Variants in STOX2 observed in about 807,000 individuals in gnomAD.
STOX2 encodes the protein storkhead-box protein 2.
A neutral mutation model predicts 60.9 loss-of-function variants in STOX2; 28 were observed. The observed-to-expected ratio is 0.46, with a 90% CI of 0.34 to 0.63. The LOEUF (loss-of-function observed/expected upper bound fraction) is 0.63. Ranked by LOEUF, STOX2 falls within the 30% of genes least tolerant of loss-of-function variation. STOX2 has a pLI of 0.01. For missense variants in STOX2, 1,024 were observed against 1,187.7 expected, an observed-to-expected ratio of 0.86 and a Z score of 2.03; for synonymous variants, 472 against 463.9, an observed-to-expected ratio of 1.02 and a Z score of -0.22.
At chr4:183,932,333 T>C (rs1334692025) in intron 1 of STOX2, among the ~76,000 whole-genome samples, 1 of 23,284 alleles carries the variant, frequency 4.3e-5, no homozygotes, top group Admixed American at 4.1e-4. Context: ...TATGTATACA[T>C]ACAGTATATG....
At chr4:183,913,544 G>A (rs1013329526) in intron 1 of STOX2, among the ~76,000 whole-genome samples, 3 of 152,108 alleles carry the variant, frequency 2.0e-5, no homozygotes, top group Non-Finnish European at 4.4e-5. Context: ...AGGGCGAGGC[G>A]GGCAGATTAC....
upstream of STOX2, among the ~76,000 whole-genome samples, chr4:183,901,200 T>C (rs1741451474): frequency 6.6e-6 from 1 of 152,220 alleles, no homozygotes. Context: ...CACTTAGCAT[T>C]CTGTTTTCAA....
rs267600106 is a variant in STOX2, at chr4:184,010,226, C to T, written c.1388C>T (p.Ser463Phe). The part of the protein sequence containing the change: ...MPFPEPSRGS[S>F]HSKVHRSHSH... ...TTTCCTGAACCTTCTAGGGGAAGCT[C>T]CCACTCAAAAGTGCACCGAAGCCAC... The change falls in exon 3 of 4, where the codon TCC (serine) becomes TTC (phenylalanine). Residue 463 changes from serine (S) to phenylalanine (F), a missense_variant. Transcript: ENST00000308497. The surrounding 1 kb of genome is among the most constrained non-coding windows in gnomAD (Gnocchi z 4.5). The T allele has an allele frequency of 3.9e-6, 6 of 1,556,612 alleles. No individual in the cohort carries two copies. The African/African-American group carries it at 6.8e-5, about 18-fold the overall frequency.
At chr4:183,886,191 C>T (rs35105997) in intron 1 of STOX2, among the ~76,000 whole-genome samples, 1 of 136,804 alleles carries the variant, frequency 7.3e-6, no homozygotes, top group African/African-American at 2.7e-5. Context: ...CCGATGGTTG[C>T]TGGATGGTGT....
At chr4:183,955,248 A>T (rs1169664347) in intron 1 of STOX2, among the ~76,000 whole-genome samples, 2 of 152,230 alleles carry the variant, frequency 1.3e-5, no homozygotes, top group Non-Finnish European at 2.9e-5. Context: ...TATTGGTATT[A>T]ATGATGACTA....
chr4:183,863,452 T>A (rs566028770), intron 1 of STOX2, among the ~76,000 whole-genome samples: 1 of 152,308 alleles, frequency 6.6e-6, no homozygotes, highest in South Asian at 2.1e-4. Flanking sequence ...TGTGAAAGGA[T>A]TAGAAACAAC....
chr4:183,988,495 C>T (rs1732947030), intron 1 of STOX2: 1 of 152,082 alleles, frequency 6.6e-6, no homozygotes. Flanking sequence ...TGCCTTTTGC[C>T]AGCTTTTGAA....
chr4:183,967,326 AT>A (rs1743604657), intron 1 of STOX2, among the ~76,000 whole-genome samples: 1 of 151,326 alleles, frequency 6.6e-6, no homozygotes, highest in South Asian at 2.1e-4. Flanking sequence ...AGATTGTGCC[AT>A]TGCACTCCAG....
intron 1 of STOX2, among the ~76,000 whole-genome samples, chr4:183,911,163 CTT>C (rs10543205): frequency 0.97 from 147,816 of 152,238 alleles, 71,917 homozygotes; most frequent in Middle Eastern, 1. Flanking sequence ...TTAGACAAAA[CTT>C]CTCTGCCCTC....
In STOX2 at chr4:184,010,607, C is replaced by G. The variant is rs772314602; in HGVS notation, c.1769C>G (p.Ser590Cys). The change falls in exon 3 of 4, where the codon TCT becomes TGT. Residue 590 changes from serine (S) to cysteine (C), a missense_variant. By Grantham distance (112) the Ser-to-Cys change is moderately radical. Transcript: ENST00000308497. This position sits in a 1 kb window ranked among gnomAD's most constrained non-coding sequence, Gnocchi z 4.5. ...TTGCCATCCTATGGCGAACTCAACT[C>G]TTGTCCAACAAAAACAGCCACAGAT... ...ESLPSYGELN[S>C]CPTKTATDDY... The G allele has an allele frequency of 3.7e-6, 6 of 1,614,070 alleles. No homozygotes were observed. Among genetic ancestry groups the G allele is most frequent in the Middle Eastern group, 1.6e-4 (1 of 6,062 alleles).
chr4:183,823,005 G>A (rs917337052), intron 1 of STOX2, among the ~76,000 whole-genome samples: 3 of 152,202 alleles, frequency 2.0e-5, no homozygotes, highest in African/African-American at 7.2e-5. Flanking sequence ...TGCACCTCCT[G>A]AGAACCTTCG....
rs374682641 is a variant in STOX2 at position 184,009,357 on chromosome 4, G to T, written c.519G>T (p.Pro173=). The T allele has an allele frequency of 3.7e-6, 6 of 1,613,934 alleles. No homozygotes were observed. Among genetic ancestry groups the T allele is most frequent in the Non-Finnish European group, 3.4e-6 (4 of 1,179,874 alleles). The change falls in exon 3 of 4, where the codon CCG becomes CCT. Residue 173 remains proline, a synonymous_variant. Transcript: ENST00000308497. This position sits in a 1 kb window ranked among gnomAD's most constrained non-coding sequence, Gnocchi z 4.0. The part of the protein sequence containing the change: ...RIPDRSQCTS[P]QPGTITPSAS... ...CTGACCGGTCTCAGTGCACCTCTCC[G>T]CAACCCGGGACCATCACGCCCTCTG...
intron 1 of STOX2, among the ~76,000 whole-genome samples, chr4:183,831,989 CTTTTTTTTTTTT>C (rs11310177): frequency 7.4e-6 from 1 of 135,834 alleles, no homozygotes; most frequent in South Asian, 2.3e-4. Context: ...TCTTCTTCTT[CTTTTTTTTTTTT>C]TTTTTGAGAC....
At chr4:183,827,876 CAAAAAAAAAAA>C (rs59675177) in intron 1 of STOX2, among the ~76,000 whole-genome samples, 1 of 99,232 alleles carries the variant, frequency 1.0e-5, no homozygotes, top group South Asian at 3.3e-4. Flanking sequence ...AATCCTGCCT[CAAAAAAAAAAA>C]AAAAAAGAAA....
chr4:183,843,129 C>T (rs539710103), intron 1 of STOX2, among the ~76,000 whole-genome samples: 1 of 124,766 alleles, frequency 8.0e-6, no homozygotes, highest in Admixed American at 9.9e-5. Flanking sequence ...CCCTGAGAGA[C>T]AGAGCGAGAC....
chr4:183,941,492 C>T (rs750294358), intron 1 of STOX2, among the ~76,000 whole-genome samples: 2 of 152,126 alleles, frequency 1.3e-5, no homozygotes, highest in East Asian at 1.9e-4. Context: ...CACTTGAACA[C>T]GGGAGGCAGA....
At chr4:183,992,703 C>T (rs376994744) in intron 1 of STOX2, among the ~76,000 whole-genome samples, 1 of 152,160 alleles carries the variant, frequency 6.6e-6, no homozygotes, top group African/African-American at 2.4e-5. Flanking sequence ...TGGTAAGTGG[C>T]TTTACCTTCA....
intron 1 of STOX2, among the ~76,000 whole-genome samples, chr4:183,966,784 G>A (rs1434462735): frequency 6.6e-6 from 1 of 152,196 alleles, no homozygotes; most frequent in African/African-American, 2.4e-5. Flanking sequence ...ATTTTTGGGA[G>A]CTATTAAAAC....
intron 1 of STOX2, among the ~76,000 whole-genome samples, chr4:183,800,919 G>C (rs1738750659): frequency 6.6e-6 from 1 of 152,232 alleles, no homozygotes; most frequent in African/African-American, 2.4e-5. Context: ...GGCGGGGCGA[G>C]ACAGGCAAGC....
Sources: allele counts gnomAD v4.1 joint callset (sites outside exome capture counted in the v4.1 genomes callset), GRCh38; gene constraint gnomAD v4.1.1; non-coding constraint Gnocchi (gnomAD v3.1); transcripts MANE v1.5; gene names NCBI Gene and HGNC (gene_info 2026-07-23, HGNC 2026-07-21).